Variants in ACTMAP observed in about 807,000 individuals in gnomAD.
ACTMAP encodes the protein actin maturation protease, also known as UPF0692 protein C19orf54.
At chr19:40,744,971 C>T in the ACTMAP span, 5 of 881,266 alleles carry the variant, frequency 5.7e-6, no homozygotes, top group Non-Finnish European at 9.0e-6. Context: ...GTTTACTATG[C>T]AGGCACTCAG....
the ACTMAP span, chr19:40,749,409 C>G: frequency 7.1e-7 from 1 of 1,415,192 alleles, no homozygotes; most frequent in Non-Finnish European, 9.5e-7. Context: ...CGGGAACCCC[C>G]CCCCCACCCC....
the ACTMAP span, among the ~76,000 whole-genome samples, chr19:40,747,699 AT>A: frequency 1.3e-5 from 2 of 151,974 alleles, no homozygotes; most frequent in Non-Finnish European, 2.9e-5. Context: ...CTACAAAAAA[AT>A]ATATATGTAC....
the ACTMAP span, chr19:40,744,755 C>G: frequency 6.6e-7 from 1 of 1,516,158 alleles, no homozygotes; most frequent in South Asian, 1.3e-5. Context: ...AGTTGGGGAA[C>G]AGGTTTGCTG....
the ACTMAP span, chr19:40,745,316 C>G: frequency 9.9e-7 from 1 of 1,012,410 alleles, no homozygotes; most frequent in Non-Finnish European, 1.5e-6. Context: ...CCTGGCTGTC[C>G]TAAGGCTGAA....
At chr19:40,743,716 C>T in the ACTMAP span, among the ~76,000 whole-genome samples, 1 of 152,204 alleles carries the variant, frequency 6.6e-6, no homozygotes, top group Non-Finnish European at 1.5e-5. Flanking sequence ...ATCCTGAAAT[C>T]TGTGCTCTGA....
chr19:40,743,139 G>A, the ACTMAP span, among the ~76,000 whole-genome samples: 1 of 152,104 alleles, frequency 6.6e-6, no homozygotes, highest in Non-Finnish European at 1.5e-5. Context: ...CTCCTGACGC[G>A]GACCAACCTG....
chr19:40,746,476 C>T, the ACTMAP span, among the ~76,000 whole-genome samples: 4 of 151,304 alleles, frequency 2.6e-5, no homozygotes, highest in East Asian at 2.0e-4. Context: ...CCCGGGTTCA[C>T]GCCATTCTCC....
At chr19:40,748,582 C>G in the ACTMAP span, among the ~76,000 whole-genome samples, 1 of 152,134 alleles carries the variant, frequency 6.6e-6, no homozygotes, top group Non-Finnish European at 1.5e-5. Context: ...AGGCAGCCTC[C>G]TTTTCTGCAC....
the ACTMAP span, among the ~76,000 whole-genome samples, chr19:40,748,984 C>CTTTT: frequency 1.9e-4 from 19 of 102,520 alleles, no homozygotes; most frequent in Non-Finnish European, 2.7e-4. Flanking sequence ...GGCATTTGCT[C>CTTTT]TTTTTTTTTT....
At chr19:40,742,146 G>A in the ACTMAP span, 3 of 608,540 alleles carry the variant, frequency 4.9e-6, no homozygotes, top group African/African-American at 1.8e-5. Context: ...GAGGGCCCAG[G>A]CAGGAGGTTC....
the ACTMAP span, chr19:40,750,154 G>C: frequency 5.1e-6 from 1 of 194,932 alleles, no homozygotes; most frequent in African/African-American, 2.3e-5. Flanking sequence ...GTGAGTTTGG[G>C]ATATGAAGGC....
chr19:40,749,399 C>T, the ACTMAP span: 6 of 1,376,880 alleles, frequency 4.4e-6, no homozygotes, highest in Non-Finnish European at 4.9e-6. Context: ...CTTGAGGACA[C>T]GGGAACCCCC....
the ACTMAP span, chr19:40,744,323 A>C: frequency 5.0e-6 from 7 of 1,396,924 alleles, no homozygotes; most frequent in Non-Finnish European, 6.6e-6. Context: ...GCAGAAAATG[A>C]GGCACAAAGA....
At chr19:40,748,087 T>C in the ACTMAP span, among the ~76,000 whole-genome samples, 2 of 152,118 alleles carry the variant, frequency 1.3e-5, no homozygotes, top group African/African-American at 2.4e-5. Flanking sequence ...GCGCCTGACA[T>C]AGGGTAAGGC....
the ACTMAP span, chr19:40,749,907 G>A: frequency 2.1e-6 from 2 of 946,504 alleles, no homozygotes; most frequent in South Asian, 2.2e-5. Context: ...TTTAAGAGCT[G>A]AGTTCCAGAA....
At chr19:40,745,354 C>G in the ACTMAP span, among the ~76,000 whole-genome samples, 1 of 152,176 alleles carries the variant, frequency 6.6e-6, no homozygotes, top group Non-Finnish European at 1.5e-5. Context: ...TCACTGACTT[C>G]CCCTCCCCAA....
chr19:40,749,743 G>A, the ACTMAP span: 4 of 1,494,328 alleles, frequency 2.7e-6, no homozygotes, highest in African/African-American at 2.9e-5. Flanking sequence ...CTGGCTTGGG[G>A]TACAGGGGTT....
chr19:40,745,651 C>T, the ACTMAP span, among the ~76,000 whole-genome samples: 1 of 152,072 alleles, frequency 6.6e-6, no homozygotes, highest in African/African-American at 2.4e-5. Context: ...AGGCATGCAC[C>T]ACCATGTCCA....
chr19:40,746,110 G>A, the ACTMAP span, among the ~76,000 whole-genome samples: 1 of 152,184 alleles, frequency 6.6e-6, no homozygotes, highest in African/African-American at 2.4e-5. Context: ...AATAAAACCA[G>A]GTAACAACAT....
Sources: gnomAD v4.1 joint callset for allele counts (sites outside exome capture counted in the v4.1 genomes callset) on GRCh38, gnomAD v4.1.1 for gene constraint, MANE v1.5 for transcripts, NCBI Gene and HGNC (gene_info 2026-07-23, HGNC 2026-07-21) for gene names.